The following CNBD1 variants were observed in gnomAD, a reference collection of about 807,000 sequenced individuals.
CNBD1 encodes cyclic nucleotide binding domain containing 1.
In CNBD1, 71 loss-of-function variants were observed where a neutral mutation model predicts 54.4. The ratio of observed to expected loss-of-function variants is 1.30; its 90% CI spans 1.08 to 1.59. The LOEUF is 1.59. Among genes scored for constraint, CNBD1 ranks in the 40% most tolerant of loss-of-function variants. The probability of loss-of-function intolerance (pLI) is 0.00; values close to 1 mark genes in which losing one functional copy is unlikely to be tolerated. For synonymous variants in CNBD1, 182 were observed against 170.7 expected (o/e 1.07, Z -0.51); for missense variants, 659 against 518.0 (o/e 1.27, Z -2.64).
At chr8:87,044,446 A>C (rs1030900842) in intron 4 of CNBD1, 1 of 152,166 alleles carries the variant, frequency 6.6e-6, no homozygotes, top group African/African-American at 2.4e-5. Context: ...ATTAAGGAGC[A>C]TAGACACGGA....
At chr8:87,219,839 T>C (rs777080689) in intron 5 of CNBD1, among the ~76,000 whole-genome samples, 13 of 152,010 alleles carry the variant, frequency 8.6e-5, no homozygotes, top group Non-Finnish European at 1.8e-4. Context: ...GAGTTAACTA[T>C]ATTTTGGGTA....
At chr8:86,867,581 A>C (rs1243956016) in intron 1 of CNBD1, among the ~76,000 whole-genome samples, 1 of 152,192 alleles carries the variant, frequency 6.6e-6, no homozygotes, top group Non-Finnish European at 1.5e-5. Flanking sequence ...TGTTAAACAA[A>C]ATTAATTCCA....
chr8:86,926,976 C>T lies in CNBD1; in HGVS notation c.273-12620C>T, dbSNP rs549973936. On this transcript the variant is annotated intron_variant, in intron 3 of 10. Transcript: ENST00000518476. ...ACTGATAGGGTCTGATTTCCTGGGG[C>T]AATGTCAATGTTGGGACTTAGGAAG... Among the ~76,000 whole-genome samples the T allele has an allele frequency of 2.2e-4, 34 of 152,190 alleles. No homozygotes were observed. In the East Asian group the frequency reaches 5.4e-3, roughly 24 times the overall value.
In CNBD1 at chr8:87,351,808, A is replaced by G. The variant is rs1810302329; in HGVS notation, c.1152+14A>G. ...TCAAATAAAGTGGTAAGTTTTCAAC[A>G]TGTATTCTTTTTAATCAATTAATCT... On this transcript the variant is annotated intron_variant, in intron 9 of 10. Coordinates refer to ENST00000518476, the MANE Select transcript of CNBD1 (RefSeq NM_173538.3). 4.1e-6 allele frequency: 6 copies of G among 1,458,416 alleles called. No homozygotes were observed. Among genetic ancestry groups the G allele is most frequent in the Non-Finnish European group, 4.5e-6 (5 of 1,107,836 alleles). The allele number at this position is 1,458,416 out of a possible 1,614,324, so 90.3% of individuals were successfully genotyped here.
chr8:87,286,123 C>G (rs1239231755), intron 7 of CNBD1, among the ~76,000 whole-genome samples: 2 of 152,182 alleles, frequency 1.3e-5, no homozygotes, highest in Non-Finnish European at 2.9e-5. Flanking sequence ...CAACGTTATT[C>G]CAAATCCCTG....
At chr8:86,975,471 T>A (rs1156857474) in intron 4 of CNBD1, among the ~76,000 whole-genome samples, 1 of 152,080 alleles carries the variant, frequency 6.6e-6, no homozygotes, top group African/African-American at 2.4e-5. Flanking sequence ...ATAGGTGAGA[T>A]CATTGAGTAT....
chr8:87,141,643 A>G lies in CNBD1; in HGVS notation c.432-64350A>G, dbSNP rs114800069. Reference sequence around the variant, plus strand: ...CTATGTGTAATATTTTCAAATAACAATAACTCCAAAGGGTGAAGATATAAA... The same window carrying G: ...CTATGTGTAATATTTTCAAATAACAGTAACTCCAAAGGGTGAAGATATAAA... On this transcript the variant is annotated intron_variant, in intron 4 of 10. Coordinates refer to ENST00000518476, the MANE Select transcript of CNBD1 (RefSeq NM_173538.3). Among the ~76,000 whole-genome samples the G allele has an allele frequency of 7.6e-3, 1,161 of 152,196 alleles. 13 individuals are homozygous for G. Among genetic ancestry groups the G allele is most frequent in the African/African-American group, 0.026 (1,092 of 41,540 alleles).
At chr8:86,867,022 AAAAG>A (rs1344944355) in intron 1 of CNBD1, among the ~76,000 whole-genome samples, 3 of 152,200 alleles carry the variant, frequency 2.0e-5, no homozygotes, top group Non-Finnish European at 2.9e-5. Context: ...GACAAGGAAA[AAAAG>A]ATAATTCCTA....
chr8:86,894,771 A>G (rs1367754443), intron 2 of CNBD1, among the ~76,000 whole-genome samples: 2 of 152,084 alleles, frequency 1.3e-5, no homozygotes, highest in Non-Finnish European at 2.9e-5. Context: ...AGAATGTCAT[A>G]TAGTTGGAAT....
At chr8:87,167,976 T>A (rs1813000524) in intron 4 of CNBD1, among the ~76,000 whole-genome samples, 1 of 152,012 alleles carries the variant, frequency 6.6e-6, no homozygotes, top group Non-Finnish European at 1.5e-5. Context: ...CTCCAGTATG[T>A]TACTATAGGT....
At chr8:87,304,324 A>G (rs953674085) in intron 8 of CNBD1, among the ~76,000 whole-genome samples, 33 of 152,310 alleles carry the variant, frequency 2.2e-4, no homozygotes, top group Middle Eastern at 3.4e-3. Flanking sequence ...TGATGAGTTC[A>G]TGTCCTTTGT....
At chr8:87,320,456 A>G (rs1036836789) in intron 8 of CNBD1, among the ~76,000 whole-genome samples, 3 of 152,132 alleles carry the variant, frequency 2.0e-5, no homozygotes, top group Non-Finnish European at 2.9e-5. Flanking sequence ...CAAACACATT[A>G]TATGTGATGA....
chr8:86,921,510 G>GT (rs1469018455), intron 3 of CNBD1, among the ~76,000 whole-genome samples: 2 of 152,170 alleles, frequency 1.3e-5, no homozygotes, highest in African/African-American at 2.4e-5. Context: ...AAAGCAAAGA[G>GT]TTTTCATTGA....
At chr8:87,395,342 C>T (rs983404872) in intron 2 of CNBD1, among the ~76,000 whole-genome samples, 1 of 151,758 alleles carries the variant, frequency 6.6e-6, no homozygotes, top group Non-Finnish European at 1.5e-5. Context: ...TGCTGCTACT[C>T]TGGATTTTAG....
At chr8:86,942,693 T>C (rs1446013617) in intron 4 of CNBD1, among the ~76,000 whole-genome samples, 3 of 152,218 alleles carry the variant, frequency 2.0e-5, no homozygotes, top group Non-Finnish European at 4.4e-5. Context: ...CAGGGGCCTA[T>C]ATATCCCATC....
chr8:87,229,107 C>T (rs1310038643), intron 5 of CNBD1, among the ~76,000 whole-genome samples: 3 of 152,188 alleles, frequency 2.0e-5, no homozygotes, highest in Admixed American at 6.5e-5. Context: ...CCTGCTTTGG[C>T]TCGCACATGG....
Position 87,206,140 on chromosome 8 carries a change from T to C in CNBD1, c.577+2T>C, listed in dbSNP as rs558850580. The C allele has an allele frequency of 1.0e-5, 16 of 1,572,732 alleles. 1 individual carries two copies. The East Asian group carries it at 1.6e-4, about 16-fold the overall frequency. Reference sequence around the variant, plus strand: ...AAACCTGGTTGAAAGGCAGCACAGGTAATAGACTAATGTGGGATAAATTTG... The same window carrying C: ...AAACCTGGTTGAAAGGCAGCACAGGCAATAGACTAATGTGGGATAAATTTG... On this transcript the variant is annotated splice_donor_variant, in intron 5 of 10. Coordinates refer to ENST00000518476, the MANE Select transcript of CNBD1 (RefSeq NM_173538.3). LOFTEE classifies it high-confidence loss of function.
rs185788110 is a variant in CNBD1, at chr8:86,933,702, T to G, written c.273-5894T>G. On this transcript the variant is annotated intron_variant, in intron 3 of 10. Coordinates refer to ENST00000518476, the MANE Select transcript of CNBD1 (RefSeq NM_173538.3). ...AAGGTTCCATTTTTAAAAACCTGGG[T>G]GGGTACATTAAGATTCATTTTTGTT... 3.7e-3 allele frequency among the ~76,000 whole-genome samples: 568 copies of G among 152,258 alleles called. 1 individual carries two copies. The highest frequency in any genetic ancestry group is 6.6e-3 in the Non-Finnish European group (452 of 67,986).
chr8:87,076,606 A>G (rs1213443875), intron 4 of CNBD1, among the ~76,000 whole-genome samples: 1 of 151,934 alleles, frequency 6.6e-6, no homozygotes, highest in Non-Finnish European at 1.5e-5. Flanking sequence ...CCATGTCTGG[A>G]TAATTTTTTG....
Sources: allele counts gnomAD v4.1 joint callset (sites outside exome capture counted in the v4.1 genomes callset), GRCh38; gene constraint gnomAD v4.1.1; transcripts MANE v1.5; gene names NCBI Gene and HGNC (gene_info 2026-07-23, HGNC 2026-07-21).